KLF13: variants seen among roughly 807,000 people sequenced by gnomAD.
KLF13 encodes KLF transcription factor 13, also known as Krueppel-like factor 13.
Under a neutral mutation model 16.7 loss-of-function variants are expected in KLF13, and 8 were observed. That is an observed-to-expected ratio of 0.48 (90% CI 0.28 to 0.87). The LOEUF (loss-of-function observed/expected upper bound fraction) is 0.87, where lower values mean the gene tolerates loss of function less well. Ranked by LOEUF, KLF13 falls within the 40% of genes least tolerant of loss-of-function variation. KLF13 has a pLI of 0.10. For synonymous variants in KLF13, 245 were observed against 208.4 expected (o/e 1.18, Z -1.51); for missense variants, 447 against 452.2 (o/e 0.99, Z 0.10).
At chr15:31,346,504 C>T (rs1310070126) in intron 1 of KLF13, among the ~76,000 whole-genome samples, 12 of 152,220 alleles carry the variant, frequency 7.9e-5, no homozygotes, top group Admixed American at 7.9e-4. Context: ...CAGGCAGGAG[C>T]TCCTCCCCGG....
Position 31,372,223 on chromosome 15 carries a change from C to G in KLF13, c.791C>G (p.Ser264Trp). Reference sequence around the variant, plus strand: ...ATGCTGCAGCGGCGCGGCGGGGGCTCGCGGACCGGCTCCCTCAGCGACTAC... The same window carrying G: ...ATGCTGCAGCGGCGCGGCGGGGGCTGGCGGACCGGCTCCCTCAGCGACTAC... ...PGMLQRRGGG[S>W]RTGSLSDYSR... Residue 264 changes from serine to tryptophan, a missense_variant, in exon 2 of 2, where the codon TCG becomes TGG. Ser to Trp is a radical substitution (Grantham distance 177). Coordinates refer to ENST00000307145, the MANE Select transcript of KLF13 (RefSeq NM_015995.4). The G allele has an allele frequency of 2.5e-6, 4 of 1,596,038 alleles. No homozygotes were observed. Among genetic ancestry groups the G allele is most frequent in the Non-Finnish European group, 3.4e-6 (4 of 1,174,516 alleles).
chr15:31,352,106 G>A (rs2039226176), intron 1 of KLF13, among the ~76,000 whole-genome samples: 1 of 152,162 alleles, frequency 6.6e-6, no homozygotes, highest in South Asian at 2.1e-4. Context: ...GGGTTTTGCA[G>A]TGAACAAAAG....
chr15:31,328,511 C>T (rs1040500871), intron 1 of KLF13, among the ~76,000 whole-genome samples: 20 of 152,066 alleles, frequency 1.3e-4, no homozygotes, highest in Middle Eastern at 3.4e-3. Context: ...TCCTCGGCCT[C>T]GAGGCTCTCT....
intron 1 of KLF13, among the ~76,000 whole-genome samples, chr15:31,422,624 G>C (rs1193757230): frequency 6.6e-6 from 1 of 152,010 alleles, no homozygotes; most frequent in Admixed American, 6.6e-5. Flanking sequence ...AATGGAAAAA[G>C]GTATTACATG....
intron 1 of KLF13, chr15:31,420,237 A>G: frequency 6.0e-6 from 4 of 662,414 alleles, no homozygotes; most frequent in Non-Finnish European, 2.8e-6. Context: ...AGACTACAGC[A>G]GGAGCTGATG....
At chr15:31,424,882 C>CACACACAA (rs2040383101) in intron 1 of KLF13, among the ~76,000 whole-genome samples, 1 of 145,492 alleles carries the variant, frequency 6.9e-6, no homozygotes, top group Non-Finnish European at 1.5e-5. Context: ...ATTTCACACA[C>CACACACAA]ACACACACAC....
chr15:31,344,040 G>A (rs2039072914), intron 1 of KLF13, among the ~76,000 whole-genome samples: 1 of 152,186 alleles, frequency 6.6e-6, no homozygotes, highest in African/African-American at 2.4e-5. Flanking sequence ...GTGCACAAAT[G>A]GCCTGGCTGT....
At chr15:31,414,677 A>C (rs773864806) in intron 1 of KLF13, among the ~76,000 whole-genome samples, 1 of 152,230 alleles carries the variant, frequency 6.6e-6, no homozygotes. Flanking sequence ...AAATATACCA[A>C]TTATAAATAT....
At chr15:31,356,220 CTT>C (rs1166268281) in intron 1 of KLF13, among the ~76,000 whole-genome samples, 1 of 152,192 alleles carries the variant, frequency 6.6e-6, no homozygotes, top group African/African-American at 2.4e-5. Context: ...GCTGTTCCCT[CTT>C]TTGTGTCCCT....
Position 31,377,329 on chromosome 15 carries a change from G to A in KLF13, c.*5030G>A, listed in dbSNP as rs117851686. 0.011 allele frequency: 1,608 copies of A among 152,742 alleles called. 17 individuals are homozygous for A. Among genetic ancestry groups the A allele is most frequent in the Middle Eastern group, 0.02 (6 of 294 alleles). The allele number at this position is 152,742 out of a possible 1,614,324, so 9.5% of individuals were successfully genotyped here. On this transcript the variant is annotated 3_prime_UTR_variant, in exon 2 of 2. Transcript: ENST00000307145. Reference sequence around the variant, plus strand: ...ATCCTAGAGAGGCCCCTGGTGCCTAGTGCTGAGGCCTCTGGGGCTGGAAAG... The same window carrying A: ...ATCCTAGAGAGGCCCCTGGTGCCTAATGCTGAGGCCTCTGGGGCTGGAAAG...
chr15:31,404,781 C>T (rs763858657), downstream of KLF13: 3 of 152,310 alleles, frequency 2.0e-5, no homozygotes, highest in Non-Finnish European at 2.9e-5. Flanking sequence ...CTGTGAAGGT[C>T]CAGGACTTCA....
chr15:31,401,854 T>C (rs1048152971), intron 2 of KLF13, among the ~76,000 whole-genome samples: 3 of 152,192 alleles, frequency 2.0e-5, no homozygotes, highest in African/African-American at 7.2e-5. Context: ...CAGCAGACAC[T>C]GTCTCACCAT....
chr15:31,396,778 A>AT (rs965567789), intron 2 of KLF13, among the ~76,000 whole-genome samples: 3 of 152,118 alleles, frequency 2.0e-5, no homozygotes, highest in Non-Finnish European at 4.4e-5. Context: ...ATAATTTCTA[A>AT]TTTTTTGGCT....
chr15:31,375,058 G>A lies in KLF13; in HGVS notation c.*2759G>A, dbSNP rs1031852705. On this transcript the variant is annotated 3_prime_UTR_variant, in exon 2 of 2. Coordinates refer to ENST00000307145, the MANE Select transcript of KLF13 (RefSeq NM_015995.4). ...TGGTTCTCGTTTAATGGCAGGGTGC[G>A]GTCCTTAGGCCCCGGCCTGGACTGG... The A allele has an allele frequency of 9.8e-5, 15 of 152,524 alleles. No individual in the cohort carries two copies. The highest frequency in any genetic ancestry group is 2.0e-4 in the Admixed American group (3 of 15,270). 9.4% of individuals were successfully genotyped at this position (152,524 alleles called of 1,614,324 possible).
intron 1 of KLF13, among the ~76,000 whole-genome samples, chr15:31,418,655 C>T (rs114035489): frequency 0.016 from 2,387 of 151,866 alleles, 46 homozygotes; most frequent in African/African-American, 0.046. Context: ...ATTACAGAAA[C>T]AAACACAGTA....
intron 1 of KLF13, among the ~76,000 whole-genome samples, chr15:31,433,703 C>T (rs947917032): frequency 4.6e-5 from 7 of 151,780 alleles, no homozygotes; most frequent in Non-Finnish European, 1.0e-4. Context: ...ATACCTCTGC[C>T]CTGAGAGCCC....
chr15:31,405,144 G>GAGGTTCTA (rs1276749832), downstream of KLF13, among the ~76,000 whole-genome samples: 4 of 152,164 alleles, frequency 2.6e-5, no homozygotes, highest in Non-Finnish European at 4.4e-5. Flanking sequence ...TCTCATGAAT[G>GAGGTTCTA]AGGTTAGTGC....
chr15:31,336,084 G>A (rs545502537), intron 1 of KLF13, among the ~76,000 whole-genome samples: 7 of 152,334 alleles, frequency 4.6e-5, no homozygotes, highest in South Asian at 2.1e-4. Context: ...CTTCTCCCCC[G>A]ACCCCAGCGT....
intron 1 of KLF13, among the ~76,000 whole-genome samples, chr15:31,423,165 G>GTATATATACGTATA (rs2040362699): frequency 9.6e-6 from 1 of 104,440 alleles, no homozygotes; most frequent in Non-Finnish European, 1.8e-5. Flanking sequence ...GTATATATAT[G>GTATATATACGTATA]TATATATATA....
Sources: allele counts gnomAD v4.1 joint callset (sites outside exome capture counted in the v4.1 genomes callset), GRCh38; gene constraint gnomAD v4.1.1; transcripts MANE v1.5; gene names NCBI Gene and HGNC (gene_info 2026-07-23, HGNC 2026-07-21).